The following PIP5K1C variants were observed in gnomAD, a reference collection of about 807,000 sequenced individuals.
The protein encoded by PIP5K1C is phosphatidylinositol-4-phosphate 5-kinase type 1 gamma.
Under a neutral mutation model 80.1 loss-of-function variants are expected in PIP5K1C, and 45 were observed. The observed-to-expected ratio is 0.56, with a 90% CI of 0.44 to 0.72. The LOEUF is 0.72. PIP5K1C is among the 30% of genes least tolerant of loss of function. PIP5K1C has a pLI of 0.00. For missense variants in PIP5K1C, 753 were observed against 954.6 expected, an observed-to-expected ratio of 0.79 and a Z score of 2.78; for synonymous variants, 498 against 420.1, an observed-to-expected ratio of 1.19 and a Z score of -2.27.
chr19:3,651,662 G>C (rs2034455774), intron 8 of PIP5K1C, among the ~76,000 whole-genome samples, 164 bp downstream of exon 8: 1 of 152,266 alleles, frequency 6.6e-6, no homozygotes, highest in Non-Finnish European at 1.5e-5. Flanking sequence ...CTACGGCCTG[G>C]CTTCGCTCTG....
At chr19:3,691,223 G>A (rs542066180) in intron 1 of PIP5K1C, among the ~76,000 whole-genome samples, 1 of 152,352 alleles carries the variant, frequency 6.6e-6, no homozygotes, top group East Asian at 1.9e-4. Flanking sequence ...TATGGCTGCT[G>A]AGGATGGGAG....
intron 3 of PIP5K1C, 52 bp downstream of exon 3, chr19:3,664,769 CT>C (rs1416709485): frequency 1.4e-6 from 2 of 1,407,986 alleles, no homozygotes; most frequent in African/African-American, 1.4e-5. Context: ...TGGGATCCCC[CT>C]CCCCTCTGCT....
intron 1 of PIP5K1C, among the ~76,000 whole-genome samples, chr19:3,695,100 T>C (rs976060875): frequency 1.3e-4 from 20 of 152,204 alleles, no homozygotes; most frequent in Admixed American, 5.9e-4. Flanking sequence ...CGTGGCCACT[T>C]GTTCCCATCT....
chr19:3,682,018 C>T (rs1386017692), intron 1 of PIP5K1C, among the ~76,000 whole-genome samples: 2 of 152,060 alleles, frequency 1.3e-5, no homozygotes, highest in African/African-American at 4.8e-5. Flanking sequence ...GGTCTGACCC[C>T]GTCACCACCC....
At position 3,700,305 on chromosome 19, in the gene PIP5K1C, GC is replaced by G; in HGVS notation, c.85del (p.Ala29ArgfsTer18). On this transcript the variant is annotated frameshift_variant, in exon 1 of 18. Transcript: ENST00000335312. LOFTEE classifies it high-confidence loss of function. ...GGAGGCCGGGCCGTTACCTGCCGCC[GC>G]CCCGCTCTCTGCCGCCCACGCCGCC... Reference protein sequence around the residue: ...SEAAWAAESGAAAGLAQKKAA... With the variant: ...SEAAWAAESGXAAGLAQKKAA... 2.3e-6 allele frequency: 3 copies of G among 1,285,196 alleles called. No individual in the cohort carries two copies. The highest frequency in any genetic ancestry group is 1.5e-5 in the South Asian group (1 of 64,572). 79.6% of individuals were successfully genotyped at this position (1,285,196 alleles called of 1,614,324 possible). A position where few individuals can be genotyped will look rare whatever the true frequency, so the allele number is the denominator to read the frequency against.
At chr19:3,634,726 C>T (rs1416568761) in intron 16 of PIP5K1C, among the ~76,000 whole-genome samples, 3 of 152,246 alleles carry the variant, frequency 2.0e-5, no homozygotes, top group African/African-American at 7.2e-5. Flanking sequence ...TGCAGGAGCA[C>T]TGCCTCTCCC....
chr19:3,658,694 G>A (rs1156722440), intron 5 of PIP5K1C, among the ~76,000 whole-genome samples: 2 of 152,168 alleles, frequency 1.3e-5, no homozygotes, highest in African/African-American at 4.8e-5. Flanking sequence ...GCCTGTCCAC[G>A]GTGGCAGGAG....
intron 1 of PIP5K1C, among the ~76,000 whole-genome samples, chr19:3,681,725 G>T (rs570198681): frequency 6.6e-6 from 1 of 152,100 alleles, no homozygotes; most frequent in South Asian, 2.1e-4. Context: ...AGCAACATTC[G>T]CTCCAGCCTG....
chr19:3,661,213 G>A (rs1012362889), intron 4 of PIP5K1C, 130 bp from the exon 5 acceptor site: 3 of 629,782 alleles, frequency 4.8e-6, no homozygotes, highest in East Asian at 2.8e-5. Flanking sequence ...TCCTTGAAAC[G>A]GCCCAATCCC....
chr19:3,655,107 C>CA (rs545856738), intron 6 of PIP5K1C, among the ~76,000 whole-genome samples: 40,617 of 46,124 alleles, frequency 0.88, 17,736 homozygotes, highest in South Asian at 0.92. Flanking sequence ...GACTCCATCT[C>CA]AAAAAAAAAA....
At chr19:3,660,089 G>C (rs2034781032) in intron 5 of PIP5K1C, among the ~76,000 whole-genome samples, 1 of 152,182 alleles carries the variant, frequency 6.6e-6, no homozygotes, top group Non-Finnish European at 1.5e-5. Flanking sequence ...TGGAATCCCA[G>C]CACTTCGGGA....
In PIP5K1C at chr19:3,678,008, TGGAGGGATGGAGAGAC is replaced by T. The variant is rs1346544700; in HGVS notation, c.95-10671_95-10656del. ...GAAGGAGGATGGAGGGATGGACAGA[TGGAGGGATGGAGAGAC>T]GGAGGGATGGAGAATGGAGGGATGG... On this transcript the variant is annotated intron_variant, in intron 1 of 17. Coordinates refer to ENST00000335312, the MANE Select transcript of PIP5K1C (RefSeq NM_012398.3). 1.4e-3 allele frequency among the ~76,000 whole-genome samples: 83 copies of T among 59,486 alleles called. 1 individual carries two copies. Among genetic ancestry groups the T allele is most frequent in the African/African-American group, 6.2e-3 (74 of 11,932 alleles). The allele number at this position is 59,486 out of a possible 152,430, so 39.0% of individuals were successfully genotyped here.
At chr19:3,645,586 G>C (rs915773409) in intron 11 of PIP5K1C, among the ~76,000 whole-genome samples, 1 of 152,168 alleles carries the variant, frequency 6.6e-6, no homozygotes, top group African/African-American at 2.4e-5. Flanking sequence ...TGGCGATGGT[G>C]ATGCTGTGGG....
At chr19:3,636,826 T>C in intron 16 of PIP5K1C, 1 of 988,574 alleles carries the variant, frequency 1.0e-6, no homozygotes, top group Non-Finnish European at 1.2e-6. Context: ...GTTCTGGCTG[T>C]GCGGTGCTGG....
rs775580462 is a variant in PIP5K1C, at chr19:3,648,683, C to T, written c.1153G>A (p.Gly385Ser). 50 of 1,612,872 alleles carry T rather than the reference C, an allele frequency of 3.1e-5. No individual in the cohort carries two copies. The highest frequency in any genetic ancestry group is 1.2e-4 in the African/African-American group (9 of 74,910). ...TGCAGCAGCAGCCGCTCCCCGCGGC[C>T]GTTCACAGCGGGGATCCCGCCCATC... The part of the protein sequence containing the change: ...DTMGGIPAVN[G>S]RGERLLLHIG... The change falls in exon 9 of 18, where the codon GGC becomes AGC. Residue 385 changes from glycine (G) to serine (S), a missense_variant. This residue lies in a region of PIP5K1C where 114 missense variants were observed against 152.4 expected (regional missense o/e 0.75). Transcript: ENST00000335312. This position sits in a 1 kb window ranked among gnomAD's most constrained non-coding sequence, Gnocchi z 4.3.
intron 5 of PIP5K1C, 24 bp downstream of exon 5, chr19:3,660,942 G>T: frequency 6.4e-7 from 1 of 1,565,918 alleles, no homozygotes; most frequent in Non-Finnish European, 8.8e-7. Context: ...AAGCCTGGAA[G>T]CCCGTAACAG....
chr19:3,647,332 G>A lies in PIP5K1C; in HGVS notation c.1260+6C>T, dbSNP rs564526451. 3.2e-5 allele frequency: 50 copies of A among 1,569,890 alleles called. No individual in the cohort carries two copies. The highest frequency in any genetic ancestry group is 2.8e-4 in the South Asian group (24 of 85,710). The stretch of plus-strand genomic sequence containing the variant: ...GGAGGAATGGGAGGAGGGTGCAGGC[G>A]CTCACCCCATCGTGGACGAGGGCCT... On this transcript the variant is annotated splice_donor_region_variant and intron_variant, in intron 10 of 17. Transcript: ENST00000335312.
chr19:3,646,339 G>A (rs1045149453), intron 10 of PIP5K1C, among the ~76,000 whole-genome samples: 8 of 152,288 alleles, frequency 5.3e-5, no homozygotes, highest in Admixed American at 1.3e-4. Context: ...AAAGTATTCC[G>A]GCCAGGCACA....
rs925344221 is a variant in PIP5K1C, at chr19:3,632,784, A to G, written c.*383T>C. ...AACAGCCTGGCTTCTTCCTCAGGAC[A>G]CAGGCAGGCACAGCAGAGAACCAAA... On this transcript the variant is annotated 3_prime_UTR_variant, in exon 18 of 18. Coordinates refer to ENST00000335312, the MANE Select transcript of PIP5K1C (RefSeq NM_012398.3). The G allele has an allele frequency of 1.5e-4, 32 of 212,432 alleles. No homozygotes were observed. Among genetic ancestry groups the G allele is most frequent in the African/African-American group, 7.2e-4 (31 of 43,282 alleles). The allele number at this position is 212,432 out of a possible 1,614,324, so 13.2% of individuals were successfully genotyped here.
Sources: allele counts gnomAD v4.1 joint callset (sites outside exome capture counted in the v4.1 genomes callset), GRCh38; gene constraint gnomAD v4.1.1; regional missense constraint gnomAD v4.1.1; non-coding constraint Gnocchi (gnomAD v3.1); transcripts MANE v1.5; gene names NCBI Gene and HGNC (gene_info 2026-07-23, HGNC 2026-07-21).